Variants in DLGAP1 observed in about 807,000 individuals in gnomAD.
The protein encoded by DLGAP1 is DLG associated protein 1, also known as disks large-associated protein 1.
DLGAP1 carries 11 observed loss-of-function variants against 90.8 expected under a neutral mutation model. The observed-to-expected ratio is 0.12, with a 90% CI of 0.08 to 0.20. The LOEUF (loss-of-function observed/expected upper bound fraction) is 0.20. DLGAP1 is among the 10% of genes least tolerant of loss of function. The pLI is 1.00. For missense variants in DLGAP1, 1,050 were observed against 1,333.8 expected, an observed-to-expected ratio of 0.79 and a Z score of 3.31; for synonymous variants, 558 against 540.7, an observed-to-expected ratio of 1.03 and a Z score of -0.44.
rs191773983 is a variant in DLGAP1 at position 4,108,062 on chromosome 18, C to T, written c.-159+43118G>A. Among the ~76,000 whole-genome samples, 3 of 152,168 alleles carry T rather than the reference C, an allele frequency of 2.0e-5. No individual in the cohort carries two copies. The South Asian group carries it at 6.2e-4, about 32-fold the overall frequency. On this transcript the variant is annotated intron_variant, in intron 2 of 12. Transcript: ENST00000315677. ...CTATTCCCTCTCTCCTGAAGCAGATCATAGAAACTGACATTCTTCTGTCCC... is the reference window on the plus strand; with the variant it reads ...CTATTCCCTCTCTCCTGAAGCAGATTATAGAAACTGACATTCTTCTGTCCC...
At position 4,343,306 on chromosome 18, in the gene DLGAP1, C is replaced by CAAA. The variant is rs57366946; in HGVS notation, c.-267+111697_-267+111699dup. 1.3e-3 allele frequency among the ~76,000 whole-genome samples: 134 copies of CAAA among 105,148 alleles called. 4 individuals are homozygous for CAAA. The highest frequency in any genetic ancestry group is 3.1e-3 in the East Asian group (12 of 3,812). 69.0% of individuals were successfully genotyped at this position (105,148 alleles called of 152,430 possible). ...TGGGCGACAGAGCAACACTCCTTCTCAAAAAAAAAAAAAAAAAGTTTAGAT... is the reference window on the plus strand; with the variant it reads ...TGGGCGACAGAGCAACACTCCTTCTCAAAAAAAAAAAAAAAAAAAAGTTTAGAT... On this transcript the variant is annotated intron_variant, in intron 1 of 12. Transcript: ENST00000315677.
chr18:3,887,047 C>G (rs1298712937), intron 3 of DLGAP1, among the ~76,000 whole-genome samples: 1 of 152,114 alleles, frequency 6.6e-6, no homozygotes, highest in Non-Finnish European at 1.5e-5. Flanking sequence ...TTTGTTTAGT[C>G]GAGAGAAAAA....
chr18:4,158,875 A>G (rs1598506538), intron 1 of DLGAP1, among the ~76,000 whole-genome samples: 2 of 152,200 alleles, frequency 1.3e-5, no homozygotes, highest in African/African-American at 4.8e-5. Context: ...TAAGGTAAGC[A>G]TATGTCCAAA....
At position 4,317,197 on chromosome 18, in the gene DLGAP1, A is replaced by G. The variant is rs185494250; in HGVS notation, c.-267+137809T>C. Among the ~76,000 whole-genome samples the G allele has an allele frequency of 5.3e-5, 8 of 152,296 alleles. No homozygotes were observed. The East Asian group carries it at 1.4e-3, about 26-fold the overall frequency. On this transcript the variant is annotated intron_variant, in intron 1 of 12. Transcript: ENST00000315677. ...TTCACAGTCCTACTGATGACCTTAGATTCCTCACTGTATGGTTTTACCACC... is the reference window on the plus strand; with the variant it reads ...TTCACAGTCCTACTGATGACCTTAGGTTCCTCACTGTATGGTTTTACCACC...
intron 7 of DLGAP1, among the ~76,000 whole-genome samples, chr18:3,623,431 G>T (rs2058172635): frequency 6.6e-6 from 1 of 152,152 alleles, no homozygotes; most frequent in Non-Finnish European, 1.5e-5. Flanking sequence ...CTACACAAGG[G>T]ATTCAGTCCG....
intron 2 of DLGAP1, among the ~76,000 whole-genome samples, chr18:4,135,428 A>T (rs1472031343): frequency 6.6e-6 from 1 of 152,216 alleles, no homozygotes. Flanking sequence ...AATTTAAGGC[A>T]GTAATTCAGA....
intron 2 of DLGAP1, among the ~76,000 whole-genome samples, chr18:4,061,186 C>G (rs1216321899): frequency 6.6e-6 from 1 of 152,084 alleles, no homozygotes; most frequent in Non-Finnish European, 1.5e-5. Flanking sequence ...GTAACATGTA[C>G]TTGAGACTAC....
chr18:3,672,577 C>CAAAAAAAAAAAAAA (rs60316690), intron 7 of DLGAP1, among the ~76,000 whole-genome samples: 2 of 39,556 alleles, frequency 5.1e-5, no homozygotes, highest in Admixed American at 4.6e-4. Flanking sequence ...AACTCTATCT[C>CAAAAAAAAAAAAAA]AAAAAAAAAA....
At position 3,928,005 on chromosome 18, in the gene DLGAP1, G is replaced by T. The variant is rs142987587; in HGVS notation, c.-72-47865C>A. ...AGACCTTGAAGACTTACCTGCTGGG[G>T]AATTTTTGCCCCCTAAATGGCTCAC... On this transcript the variant is annotated intron_variant, in intron 3 of 12. Transcript: ENST00000315677. Among the ~76,000 whole-genome samples, 47 of 152,254 alleles carry T rather than the reference G, an allele frequency of 3.1e-4. No homozygotes were observed. The East Asian group carries it at 6.4e-3, about 21-fold the overall frequency.
intron 7 of DLGAP1, among the ~76,000 whole-genome samples, chr18:3,586,005 G>A (rs1223614689): frequency 1.3e-5 from 2 of 152,166 alleles, no homozygotes; most frequent in African/African-American, 2.4e-5. Flanking sequence ...GCAATTGGAC[G>A]CCACCTGGTG....
At chr18:3,742,254 C>T in intron 6 of DLGAP1, 81 bp downstream of exon 6, 2 of 1,517,510 alleles carry the variant, frequency 1.3e-6, no homozygotes, top group Non-Finnish European at 1.8e-6. Context: ...ATGACTGCCT[C>T]CCCACCTCAT....
chr18:3,692,808 T>A (rs1354414731), intron 7 of DLGAP1, among the ~76,000 whole-genome samples: 1 of 152,216 alleles, frequency 6.6e-6, no homozygotes, highest in Admixed American at 6.5e-5. Context: ...CAAGAAGCTC[T>A]GTCCCTGGAA....
rs575222703 is a variant in DLGAP1 at position 3,711,588 on chromosome 18, C to G, written c.1591+17547G>C. Among the ~76,000 whole-genome samples, 1 of 152,122 alleles carries G rather than the reference C, an allele frequency of 6.6e-6. No homozygotes were observed. Among genetic ancestry groups the G allele is most frequent in the Admixed American group, 6.5e-5 (1 of 15,272 alleles). On this transcript the variant is annotated intron_variant, in intron 7 of 12. Transcript: ENST00000315677. The surrounding 1 kb of genome is among the most constrained non-coding windows in gnomAD (Gnocchi z 4.0). ...GTGTGGTGGCTCATGCTTCTAATGC[C>G]GGCACTTTGGGAGGCTGAGGCAGGA...
At chr18:4,348,398 G>A (rs1026269770) in intron 1 of DLGAP1, among the ~76,000 whole-genome samples, 1 of 120,474 alleles carries the variant, frequency 8.3e-6, no homozygotes, top group Non-Finnish European at 1.6e-5. Flanking sequence ...ATGAACTCAG[G>A]AATGTGTGTG....
At chr18:4,448,926 C>T (rs1018435338) in intron 1 of DLGAP1, among the ~76,000 whole-genome samples, 6 of 152,156 alleles carry the variant, frequency 3.9e-5, no homozygotes, top group Admixed American at 2.6e-4. Flanking sequence ...ACACTTTCCA[C>T]CTCATCCCTG....
chr18:3,708,283 A>G (rs908615328), intron 7 of DLGAP1: 2 of 374,114 alleles, frequency 5.3e-6, no homozygotes, highest in South Asian at 2.0e-5. Context: ...TTGGAATTAC[A>G]GGCATGAGCC....
At chr18:3,641,395 GGT>G (rs1395344788) in intron 7 of DLGAP1, among the ~76,000 whole-genome samples, 1 of 150,930 alleles carries the variant, frequency 6.6e-6, no homozygotes, top group Non-Finnish European at 1.5e-5. Context: ...AAATTAGCTG[GGT>G]GTGGTGGCGG....
At chr18:3,779,473 C>T (rs7232002) in intron 5 of DLGAP1, among the ~76,000 whole-genome samples, 3,729 of 152,280 alleles carry the variant, frequency 0.024, 158 homozygotes, top group African/African-American at 0.084. Flanking sequence ...CAAGCCCTCT[C>T]GGATCATGCC....
At chr18:3,571,667 G>A (rs678910) in intron 8 of DLGAP1, among the ~76,000 whole-genome samples, 85,262 of 151,070 alleles carry the variant, frequency 0.56, 24,837 homozygotes, top group East Asian at 0.99. Context: ...AGCTGTGACT[G>A]CAGGCGCGTC....
Sources: gnomAD v4.1 joint callset for allele counts (sites outside exome capture counted in the v4.1 genomes callset) on GRCh38, gnomAD v4.1.1 for gene constraint, Gnocchi (gnomAD v3.1) non-coding constraint, MANE v1.5 for transcripts, NCBI Gene and HGNC (gene_info 2026-07-23, HGNC 2026-07-21) for gene names.